The following ZZEF1 variants were observed in gnomAD, a reference collection of about 807,000 sequenced individuals.
The protein encoded by ZZEF1 is zinc finger ZZ-type and EF-hand domain containing 1, also known as zinc finger ZZ-type and EF-hand domain-containing protein 1.
In ZZEF1, 157 loss-of-function variants were observed where a neutral mutation model predicts 342.8. That is an observed-to-expected ratio of 0.46 (90% confidence interval 0.40 to 0.52). The LOEUF (loss-of-function observed/expected upper bound fraction) is 0.52. ZZEF1 is among the 20% of genes least tolerant of loss of function. The probability of loss-of-function intolerance (pLI) is 0.00; values close to 1 mark genes in which losing one functional copy is unlikely to be tolerated. For missense variants in ZZEF1, 3,480 were observed against 3,725.6 expected (o/e 0.93, Z 1.72); for synonymous variants, 1,505 against 1,429.1 (o/e 1.05, Z -1.20).
chr17:4,040,855 G>A (rs142833915), intron 39 of ZZEF1, among the ~76,000 whole-genome samples: 305 of 152,268 alleles, frequency 2.0e-3, no homozygotes, highest in Non-Finnish European at 3.6e-3. Context: ...AGTGAAATTG[G>A]TAAAATCAAC....
chr17:4,045,011 GGGCGTGGT>G (rs1278250378), intron 37 of ZZEF1, among the ~76,000 whole-genome samples: 2 of 152,050 alleles, frequency 1.3e-5, no homozygotes, highest in Non-Finnish European at 2.9e-5. Context: ...AAAATTAGCT[GGGCGTGGT>G]GGCGTGAGCC....
At chr17:4,057,294 G>A (rs1378861611) in intron 32 of ZZEF1, among the ~76,000 whole-genome samples, 1 of 152,190 alleles carries the variant, frequency 6.6e-6, no homozygotes, top group Non-Finnish European at 1.5e-5. Flanking sequence ...TGAGGTTCGT[G>A]AACTAAAGAG....
intron 45 of ZZEF1, among the ~76,000 whole-genome samples, chr17:4,020,258 T>TA (rs1446402346): frequency 6.6e-6 from 1 of 152,242 alleles, no homozygotes; most frequent in Non-Finnish European, 1.5e-5. Flanking sequence ...AACCTGCACT[T>TA]AAACTTGTCA....
chr17:4,019,187 TAAG>T (rs2056197806), intron 46 of ZZEF1, among the ~76,000 whole-genome samples: 1 of 151,770 alleles, frequency 6.6e-6, no homozygotes, highest in African/African-American at 2.4e-5. Context: ...TTACAATGAG[TAAG>T]AAGTCAAAAT....
intron 17 of ZZEF1, among the ~76,000 whole-genome samples, chr17:4,082,184 C>T (rs2057736355): frequency 6.6e-6 from 1 of 152,172 alleles, no homozygotes; most frequent in South Asian, 2.1e-4. Context: ...TTAAACATTA[C>T]TTGGAAACTG....
intron 3 of ZZEF1, among the ~76,000 whole-genome samples, chr17:4,115,238 G>C (rs1207712149): frequency 6.6e-6 from 1 of 152,082 alleles, no homozygotes; most frequent in African/African-American, 2.4e-5. Context: ...TGTTGCCCAG[G>C]CTGGTGTCAA....
Position 4,019,654 on chromosome 17 carries a change from G to A in ZZEF1, c.7505+15C>T, listed in dbSNP as rs562349530. 3.4e-5 allele frequency: 54 copies of A among 1,605,568 alleles called. No homozygotes were observed. The highest frequency in any genetic ancestry group is 5.1e-5 in the Admixed American group (3 of 59,192). ...CTCCCTGGCCACACTTCAGCTGCAC[G>A]GAAATGTCCCTTACCTCTTCTGAAC... On this transcript the variant is annotated intron_variant, in intron 46 of 54. Transcript: ENST00000381638.
intron 13 of ZZEF1, 42 bp from the exon 14 acceptor site, chr17:4,087,576 G>A (rs374345930): frequency 1.3e-6 from 2 of 1,535,746 alleles, no homozygotes; most frequent in Non-Finnish European, 1.8e-6. Context: ...ACTGAAAAAT[G>A]CATTTAGAGA....
intron 52 of ZZEF1, among the ~76,000 whole-genome samples, chr17:4,011,471 C>T (rs2055954515): frequency 6.6e-6 from 1 of 151,546 alleles, no homozygotes. Flanking sequence ...ACACAAGATG[C>T]TTGCAAGGTT....
chr17:4,028,959 C>A (rs2056477106), intron 42 of ZZEF1, among the ~76,000 whole-genome samples: 2 of 152,144 alleles, frequency 1.3e-5, no homozygotes, highest in Non-Finnish European at 2.9e-5. Flanking sequence ...TGAGGAATAT[C>A]ATTAGGGATA....
chr17:4,048,971 G>C (rs1481497293), intron 37 of ZZEF1, among the ~76,000 whole-genome samples: 1 of 151,156 alleles, frequency 6.6e-6, no homozygotes, highest in Non-Finnish European at 1.5e-5. Flanking sequence ...GCCCACCTTG[G>C]CCTCCCAAAG....
At chr17:4,104,340 A>G (rs938049200) in intron 8 of ZZEF1, among the ~76,000 whole-genome samples, 9 of 152,146 alleles carry the variant, frequency 5.9e-5, no homozygotes, top group African/African-American at 1.7e-4. Flanking sequence ...CTGTGTTCAA[A>G]TGGCCACCAG....
Position 4,049,744 on chromosome 17 carries a change from T to C in ZZEF1, c.5979A>G (p.Lys1993=). Residue 1993 remains lysine (K), a synonymous_variant, in exon 37 of 55, where the codon AAA becomes AAG. Transcript: ENST00000381638. ...TGASEEQLEK[K]AVQGAELSEA... The stretch of plus-strand genomic sequence containing the variant: ...CTGACAGCTCAGCACCCTGGACAGC[T>C]TTCTTCTCTAGCTGCTCCTCTGACG... 1 of 1,614,166 alleles carries C rather than the reference T, an allele frequency of 6.2e-7. No individual in the cohort carries two copies. The highest frequency in any genetic ancestry group is 1.1e-5 in the South Asian group (1 of 91,076).
chr17:4,086,685 A>C (rs2057835042), intron 14 of ZZEF1, 30 bp from the exon 15 acceptor site: 1 of 1,611,318 alleles, frequency 6.2e-7, no homozygotes, highest in African/African-American at 1.3e-5. Flanking sequence ...ATCAGAGAGC[A>C]AAAGGGCAAG....
chr17:4,102,264 C>G lies in ZZEF1; in HGVS notation c.1672+53G>C, dbSNP rs984767024. On this transcript the variant is annotated intron_variant, in intron 9 of 54. Transcript: ENST00000381638. ...TCAAAGTCTGGAGTGTGCTTTCACACAGCTGACTCCTGTCTACCGAGCACA... is the reference window on the plus strand; with the variant it reads ...TCAAAGTCTGGAGTGTGCTTTCACAGAGCTGACTCCTGTCTACCGAGCACA... 2.0e-6 allele frequency: 3 copies of G among 1,507,914 alleles called. No homozygotes were observed. In the Admixed American group the frequency reaches 5.1e-5, roughly 26 times the overall value. The allele number at this position is 1,507,914 out of a possible 1,614,324, so 93.4% of individuals were successfully genotyped here.
intron 28 of ZZEF1, among the ~76,000 whole-genome samples, chr17:4,065,788 T>A (rs904430280): frequency 6.6e-6 from 1 of 152,154 alleles, no homozygotes; most frequent in African/African-American, 2.4e-5. Flanking sequence ...ATTTAAAAAA[T>A]AATAGTAATT....
chr17:4,088,956 G>A, intron 12 of ZZEF1, 63 bp from the exon 13 acceptor site: 2 of 1,522,948 alleles, frequency 1.3e-6, no homozygotes, highest in East Asian at 2.3e-5. Context: ...GATTAAAGAG[G>A]GAAAAAGGCC....
chr17:4,052,775 GAAA>G (rs1166728254), intron 34 of ZZEF1, among the ~76,000 whole-genome samples: 1 of 149,930 alleles, frequency 6.7e-6, no homozygotes, highest in Non-Finnish European at 1.5e-5. Flanking sequence ...GCTGAAGCAG[GAAA>G]ATCACTTTAA....
At chr17:4,067,023 T>G (rs1316830234) in intron 27 of ZZEF1, 140 bp downstream of exon 27, 1 of 658,110 alleles carries the variant, frequency 1.5e-6, no homozygotes, top group Non-Finnish European at 2.5e-6. Context: ...AATTGTTTTA[T>G]ATCTATTCAT....
Sources: gnomAD v4.1 joint callset for allele counts (sites outside exome capture counted in the v4.1 genomes callset) on GRCh38, gnomAD v4.1.1 for gene constraint, MANE v1.5 for transcripts, NCBI Gene and HGNC (gene_info 2026-07-23, HGNC 2026-07-21) for gene names.